Variants in ORAI2 observed in about 807,000 individuals in gnomAD.
ORAI2 encodes protein orai-2.
In ORAI2, 10 loss-of-function variants were observed where a neutral mutation model predicts 16.2. The ratio of observed to expected loss-of-function variants is 0.62; its 90% CI spans 0.38 to 1.04. ORAI2 has a LOEUF of 1.04. Among genes scored for constraint, ORAI2 ranks in the 50% least tolerant of loss-of-function variants. The pLI, the probability that ORAI2 is intolerant of heterozygous loss-of-function variation, is 0.01. For missense variants in ORAI2, 238 were observed against 355.5 expected (o/e 0.67, Z 2.66); for synonymous variants, 150 against 157.5 (o/e 0.95, Z 0.35).
intron 3 of ORAI2, among the ~76,000 whole-genome samples, chr7:102,445,880 T>C (rs1797342734): frequency 6.8e-6 from 1 of 147,246 alleles, no homozygotes; most frequent in Non-Finnish European, 1.5e-5. Context: ...CTTTTCTTTC[T>C]CTCTCTTTCT....
At chr7:102,440,988 A>G (rs1041810098) in intron 3 of ORAI2, among the ~76,000 whole-genome samples, 2 of 151,806 alleles carry the variant, frequency 1.3e-5, no homozygotes, top group Non-Finnish European at 2.9e-5. Context: ...TGCCTCCTGG[A>G]TTCAAGCGAT....
At chr7:102,441,213 C>T (rs375561839) in intron 3 of ORAI2, among the ~76,000 whole-genome samples, 1 of 150,904 alleles carries the variant, frequency 6.6e-6, no homozygotes, top group Non-Finnish European at 1.5e-5. Flanking sequence ...TTCTGTAGGC[C>T]GGAGCCTCAA....
rs1797383277 is a variant in ORAI2 at position 102,446,857 on chromosome 7, T to C, written c.570T>C (p.Ser190=). The change falls in exon 4 of 4, where the codon AGT becomes AGC. Residue 190 remains serine, a synonymous_variant. Coordinates refer to ENST00000495936, the MANE Select transcript of ORAI2 (RefSeq NM_001126340.3). The part of the protein sequence containing the change: ...RQPGPPPGPG[S]HTGWQAALVS... ...CTGGCCCCCCACCTGGCCCTGGGAG[T>C]CACACGGGCTGGCAGGCCGCCCTGG... The C allele has an allele frequency of 6.2e-7, 1 of 1,613,500 alleles. No individual in the cohort carries two copies. Among genetic ancestry groups the C allele is most frequent in the Non-Finnish European group, 8.5e-7 (1 of 1,179,936 alleles).
At chr7:102,435,639 AT>A (rs752472061) in intron 1 of ORAI2, among the ~76,000 whole-genome samples, 390 of 129,260 alleles carry the variant, frequency 3.0e-3, no homozygotes, top group East Asian at 5.3e-3. Context: ...ACACCCAGCT[AT>A]TTTTTTTTTT....
chr7:102,447,250 C>T lies in ORAI2; in HGVS notation c.*198C>T, dbSNP rs868174435. ...CAATGAGGGACTGTGTTGCTAAGAG[C>T]GTTGGGGGCAAAGCCAGGCTGGTTC... On this transcript the variant is annotated 3_prime_UTR_variant, in exon 4 of 4. Coordinates refer to ENST00000495936, the MANE Select transcript of ORAI2 (RefSeq NM_001126340.3). The T allele has an allele frequency of 9.1e-6, 6 of 659,274 alleles. No homozygotes were observed. Among genetic ancestry groups the T allele is most frequent in the Admixed American group, 6.6e-5 (2 of 30,476 alleles). The allele number at this position is 659,274 out of a possible 1,614,324, so 40.8% of individuals were successfully genotyped here. A position where few individuals can be genotyped will look rare whatever the true frequency, so the allele number is the denominator to read the frequency against.
chr7:102,446,442 G>C, intron 3 of ORAI2, 71 bp from the exon 4 acceptor site: 1 of 1,476,460 alleles, frequency 6.8e-7, no homozygotes, highest in East Asian at 2.4e-5. Context: ...TGCTCTGCCT[G>C]GCAGGTGGCC....
At chr7:102,434,176 C>A (rs1797001179) in intron 1 of ORAI2, among the ~76,000 whole-genome samples, 1 of 150,836 alleles carries the variant, frequency 6.6e-6, no homozygotes, top group Non-Finnish European at 1.5e-5. Flanking sequence ...CCCGGAGCAT[C>A]CTCTAGGGTC....
rs1797628518 is a variant in ORAI2, at chr7:102,455,679, CCTGA to C, written c.*8630_*8633del. The stretch of plus-strand genomic sequence containing the variant: ...CAGTGAGGATCAGCTGGAGCTCCGA[CCTGA>C]CTCACATCTGGATGCGCAGTGAGGG... On this transcript the variant is annotated 3_prime_UTR_variant, in exon 4 of 4. Transcript: ENST00000495936. The C allele has an allele frequency of 6.6e-6, 1 of 152,340 alleles. No individual in the cohort carries two copies. The highest frequency in any genetic ancestry group is 2.4e-5 in the African/African-American group (1 of 41,482). 9.4% of individuals were successfully genotyped at this position (152,340 alleles called of 1,614,324 possible). A position where few individuals can be genotyped will look rare whatever the true frequency, so the allele number is the denominator to read the frequency against.
intron 1 of ORAI2, 114 bp from the exon 2 acceptor site, chr7:102,436,111 T>G: frequency 6.2e-6 from 1 of 160,578 alleles, no homozygotes; most frequent in Non-Finnish European, 1.3e-5. Flanking sequence ...GCATGCTCAA[T>G]TCTGTTAACT....
At position 102,439,084 on chromosome 7, in the gene ORAI2, A is replaced by G; in HGVS notation, c.128A>G (p.His43Arg). The change falls in exon 3 of 4, where the codon CAC becomes CGC. Residue 43 changes from histidine to arginine, a missense_variant. Around this residue, in one of 3 missense-constraint regions of ORAI2, gnomAD observed 61 missense variants for 72.7 expected, o/e 0.84. Coordinates refer to ENST00000495936, the MANE Select transcript of ORAI2 (RefSeq NM_001126340.3). ...CTGGAACTGGTCACCTCTAACCACC[A>G]CTCGGTACAGGCCCTGTCGTGGCGG... The part of the protein sequence containing the change: ...SYLELVTSNH[H>R]SVQALSWRKL... 6.2e-7 allele frequency: 1 copy of G among 1,613,894 alleles called. No homozygotes were observed. The highest frequency in any genetic ancestry group is 8.5e-7 in the Non-Finnish European group (1 of 1,180,002).
At chr7:102,441,956 G>A (rs149343881) in intron 3 of ORAI2, among the ~76,000 whole-genome samples, 200 of 152,260 alleles carry the variant, frequency 1.3e-3, no homozygotes, top group Non-Finnish European at 1.7e-3. Context: ...CAAAGGTACA[G>A]ATTGCTGGGT....
chr7:102,454,690 G>C lies in ORAI2; in HGVS notation c.*7638G>C, dbSNP rs4571673. 0.12 allele frequency: 18,859 copies of C among 152,322 alleles called. 2,028 individuals carry two copies. Among genetic ancestry groups the C allele is most frequent in the East Asian group, 0.42 (2,176 of 5,164 alleles). 9.4% of individuals were successfully genotyped at this position (152,322 alleles called of 1,614,324 possible). A position where few individuals can be genotyped will look rare whatever the true frequency, so the allele number is the denominator to read the frequency against. ...TGTCTCCAGAAGCCGCCCTTGGAGC[G>C]GGCACTTCCCTATTTGGGCGTGTCC... On this transcript the variant is annotated 3_prime_UTR_variant, in exon 4 of 4. Transcript: ENST00000495936.
chr7:102,445,961 T>G (rs1384239632), intron 3 of ORAI2, among the ~76,000 whole-genome samples: 2 of 151,916 alleles, frequency 1.3e-5, no homozygotes, highest in Non-Finnish European at 2.9e-5. Context: ...TGGCTTGTTT[T>G]CTTTTGAGAC....
At chr7:102,443,763 A>G (rs1162928551) in intron 3 of ORAI2, among the ~76,000 whole-genome samples, 3 of 150,776 alleles carry the variant, frequency 2.0e-5, no homozygotes, top group African/African-American at 4.9e-5. Context: ...CTGGAGCACA[A>G]TGGCACGATC....
At chr7:102,445,014 G>C (rs1350071043) in intron 3 of ORAI2, among the ~76,000 whole-genome samples, 1 of 77,146 alleles carries the variant, frequency 1.3e-5, no homozygotes, top group Non-Finnish European at 2.3e-5. Context: ...TCCTTGGTTT[G>C]TTCGTTTTAG....
Position 102,453,935 on chromosome 7 carries a change from G to C in ORAI2, c.*6883G>C. 6.6e-6 allele frequency: 1 copy of C among 152,134 alleles called. No homozygotes were observed. The highest frequency in any genetic ancestry group is 1.5e-5 in the Non-Finnish European group (1 of 68,050). 9.4% of individuals were successfully genotyped at this position (152,134 alleles called of 1,614,324 possible). A position where few individuals can be genotyped will look rare whatever the true frequency, so the allele number is the denominator to read the frequency against. On this transcript the variant is annotated 3_prime_UTR_variant, in exon 4 of 4. Coordinates refer to ENST00000495936, the MANE Select transcript of ORAI2 (RefSeq NM_001126340.3). ...GTAGAGACGGGGTTTTGCCATGTTG[G>C]CCAGGCTGGTCTTGAACTCCTGACC...
intron 3 of ORAI2, 85 bp downstream of exon 3, chr7:102,439,266 T>TGGAGGGAAGGCTCTGG: frequency 2.6e-6 from 3 of 1,137,358 alleles, no homozygotes; most frequent in Non-Finnish European, 2.6e-6. Context: ...GACCAGAGCC[T>TGGAGGGAAGGCTCTGG]TCCCTCCAGT....
chr7:102,436,055 T>A (rs891360503), intron 1 of ORAI2, 170 bp from the exon 2 acceptor site: 2 of 152,358 alleles, frequency 1.3e-5, no homozygotes, highest in African/African-American at 4.8e-5. Context: ...GAGCAAAGGT[T>A]AGCGTCTCAC....
chr7:102,446,854 G>A lies in ORAI2; in HGVS notation c.567G>A (p.Gly189=), dbSNP rs1797382965. 1.2e-6 allele frequency: 2 copies of A among 1,613,600 alleles called. No homozygotes were observed. ...RRQPGPPPGP[G]SHTGWQAALV... is the part of the protein sequence containing the mutation. The stretch of plus-strand genomic sequence containing the variant: ...AGCCTGGCCCCCCACCTGGCCCTGG[G>A]AGTCACACGGGCTGGCAGGCCGCCC... The change falls in exon 4 of 4, where the codon GGG becomes GGA. Residue 189 remains glycine, a synonymous_variant. Coordinates refer to ENST00000495936, the MANE Select transcript of ORAI2 (RefSeq NM_001126340.3).
Sources: gnomAD v4.1 joint callset for allele counts (sites outside exome capture counted in the v4.1 genomes callset) on GRCh38, gnomAD v4.1.1 for gene constraint, gnomAD v4.1.1 regional missense constraint, MANE v1.5 for transcripts, NCBI Gene and HGNC (gene_info 2026-07-23, HGNC 2026-07-21) for gene names.